Variants in EFEMP2 observed in about 807,000 individuals in gnomAD.
EFEMP2 encodes the protein EGF-like fibulin extracellular matrix protein 2, also known as EGF-containing fibulin-like extracellular matrix protein 2.
A neutral mutation model predicts 55.3 loss-of-function variants in EFEMP2; 21 were observed. The observed-to-expected ratio is 0.38, with a 90% confidence interval of 0.27 to 0.55. The LOEUF is 0.55. Among genes scored for constraint, EFEMP2 ranks in the 20% least tolerant of loss-of-function variants. EFEMP2 has a pLI of 0.77. For synonymous variants in EFEMP2, 275 were observed against 242.3 expected (o/e 1.14, Z -1.25); for missense variants, 513 against 615.1 (o/e 0.83, Z 1.76).
At chr11:65,868,694 A>G (rs1239248573) in intron 7 of EFEMP2, 65 bp from the exon 8 acceptor site, 1 of 1,605,814 alleles carries the variant, frequency 6.2e-7, no homozygotes, top group African/African-American at 1.3e-5. Flanking sequence ...TCCCACAAAC[A>G]TTTCCCAAGA....
chr11:65,868,745 G>T, intron 7 of EFEMP2, 116 bp from the exon 8 acceptor site: 1 of 1,447,364 alleles, frequency 6.9e-7, no homozygotes. Flanking sequence ...GAAGACAGAG[G>T]GGGATGAGAC....
chr11:65,868,951 C>A, intron 7 of EFEMP2: 1 of 387,262 alleles, frequency 2.6e-6, no homozygotes, highest in Non-Finnish European at 5.0e-6. Flanking sequence ...GTGTGTTAGA[C>A]TAGATGAGTC....
Position 65,867,093 on chromosome 11 carries a change from G to A in EFEMP2, c.1171-14C>T, listed in dbSNP as rs1405215614. The A allele has an allele frequency of 1.9e-6, 3 of 1,613,842 alleles. No individual in the cohort carries two copies. In the South Asian group the frequency reaches 3.3e-5, roughly 18 times the overall value. On this transcript the variant is annotated splice_polypyrimidine_tract_variant and intron_variant, in intron 10 of 10. Transcript: ENST00000307998. The stretch of plus-strand genomic sequence containing the variant: ...GTTGTTGATTTGCTGCAGGGCAGTG[G>A]GTGGGGGGACATATATATTGTGTCA...
At chr11:65,868,812 G>A (rs939915517) in intron 7 of EFEMP2, 183 bp from the exon 8 acceptor site, 161 of 729,366 alleles carry the variant, frequency 2.2e-4, no homozygotes, top group Non-Finnish European at 2.8e-5. Flanking sequence ...CCAGGCTGCC[G>A]CAGCTCACAG....
At position 65,870,123 on chromosome 11, in the gene EFEMP2, ACACAGGAGCGGTTGTTAGGCCCCAG is replaced by A; in HGVS notation, c.580_604del (p.Gly195MetfsTer2). ...AGCCTGGCCCAGCCCAGCCTCACCAACACAGGAGCGGTTGTTAGGCCCCAGCTGGAAGCCCGGCTCGCACTGGCAG... is the reference window on the plus strand; with the variant it reads ...AGCCTGGCCCAGCCCAGCCTCACCAACTGGAAGCCCGGCTCGCACTGGCAG... On this transcript the variant is annotated frameshift_variant, in exon 6 of 11. Coordinates refer to ENST00000307998, the MANE Select transcript of EFEMP2 (RefSeq NM_016938.5). LOFTEE classifies it high-confidence loss of function. The A allele has an allele frequency of 6.8e-6, 11 of 1,613,724 alleles. No homozygotes were observed. The highest frequency in any genetic ancestry group is 9.3e-6 in the Non-Finnish European group (11 of 1,179,956).
At position 65,872,365 on chromosome 11, in the gene EFEMP2, C is replaced by T. The variant is rs1477575626; in HGVS notation, c.-7-4G>A. On this transcript the variant is annotated splice_region_variant and splice_polypyrimidine_tract_variant and intron_variant, in intron 1 of 10. Transcript: ENST00000307998. The stretch of plus-strand genomic sequence containing the variant: ...GGCGCAGGGGAGCATCCTGGGGCTG[C>T]GAGATGGTGGACACGGGTCAGGGGC... The T allele has an allele frequency of 1.3e-6, 2 of 1,543,324 alleles. No individual in the cohort carries two copies. Among genetic ancestry groups the T allele is most frequent in the African/African-American group, 1.4e-5 (1 of 72,890 alleles).
At position 65,866,916 on chromosome 11, in the gene EFEMP2, C is replaced by T. The variant is rs1565271968; in HGVS notation, c.*2G>A. On this transcript the variant is annotated 3_prime_UTR_variant, in exon 11 of 11. Transcript: ENST00000307998. ...GCAGGGAGGGTGGCTCCCTCCTGCT[C>T]CTCAGAAGGTGTAGGCCCCTACAAA... 6.2e-7 allele frequency: 1 copy of T among 1,614,134 alleles called. No homozygotes were observed.
rs2134746942 is a variant in EFEMP2, at chr11:65,868,017, C to T, written c.1014G>A (p.Glu338=). 1.9e-6 allele frequency: 3 copies of T among 1,614,026 alleles called. No homozygotes were observed. Among genetic ancestry groups the T allele is most frequent in the East Asian group, 4.5e-5 (2 of 44,876 alleles). ...LCPASNPLCR[E]QPSSIVHRYM... Reference sequence around the variant, plus strand: ...AGCGGTGCACAATGGATGAAGGCTGCTCTCGACATAGAGGGTTGGAGGCCG... The same window carrying T: ...AGCGGTGCACAATGGATGAAGGCTGTTCTCGACATAGAGGGTTGGAGGCCG... The change falls in exon 10 of 11, where the codon GAG becomes GAA. Residue 338 remains glutamate, a synonymous_variant. Coordinates refer to ENST00000307998, the MANE Select transcript of EFEMP2 (RefSeq NM_016938.5).
chr11:65,870,090 G>C (rs1162459521), intron 6 of EFEMP2, 31 bp downstream of exon 6: 1 of 1,613,090 alleles, frequency 6.2e-7, no homozygotes, highest in Non-Finnish European at 8.5e-7. Flanking sequence ...CCCTGCCCAG[G>C]ACCCAGGAGC....
In EFEMP2 at chr11:65,868,043, G is replaced by A; in HGVS notation, c.988C>T (p.Pro330Ser). 1 of 1,613,794 alleles carries A rather than the reference G, an allele frequency of 6.2e-7. No homozygotes were observed. Among genetic ancestry groups the A allele is most frequent in the Non-Finnish European group, 8.5e-7 (1 of 1,179,940 alleles). Residue 330 changes from proline (P) to serine (S), a missense_variant, in exon 10 of 11, where the codon CCG becomes TCG. Coordinates refer to ENST00000307998, the MANE Select transcript of EFEMP2 (RefSeq NM_016938.5). The part of the protein sequence containing the change: ...IQVSENRCLC[P>S]ASNPLCREQP... ...TCTCGACATAGAGGGTTGGAGGCCG[G>A]GCAGAGACAGCGGCTAGAGACCCCG...
chr11:65,869,654 A>C, intron 7 of EFEMP2: 1 of 707,312 alleles, frequency 1.4e-6, no homozygotes, highest in Non-Finnish European at 2.4e-6. Flanking sequence ...AGGCTTCAGT[A>C]AGGACGTAGC....
chr11:65,868,812 G>C (rs939915517), intron 7 of EFEMP2, 183 bp from the exon 8 acceptor site: 5 of 729,374 alleles, frequency 6.9e-6, no homozygotes, highest in Non-Finnish European at 1.1e-5. Flanking sequence ...CCAGGCTGCC[G>C]CAGCTCACAG....
chr11:65,871,658 T>C (rs966705885), intron 3 of EFEMP2: 3 of 595,198 alleles, frequency 5.0e-6, no homozygotes, highest in African/African-American at 1.9e-5. Context: ...TACCCACCCC[T>C]GGGGACGCTA....
At chr11:65,868,748 G>T in intron 7 of EFEMP2, 119 bp from the exon 8 acceptor site, 2 of 1,403,476 alleles carry the variant, frequency 1.4e-6, no homozygotes, top group Non-Finnish European at 9.8e-7. Flanking sequence ...GACAGAGGGG[G>T]ATGAGACAAG....
intron 7 of EFEMP2, chr11:65,868,909 G>A (rs1859914631): frequency 2.2e-6 from 1 of 462,708 alleles, no homozygotes; most frequent in Non-Finnish European, 4.0e-6. Flanking sequence ...AGCTGATCTA[G>A]GGGAATCTCA....
chr11:65,869,960 G>A lies in EFEMP2; in HGVS notation c.624C>T (p.Asp208=), dbSNP rs748025984. The A allele has an allele frequency of 6.2e-7, 1 of 1,613,946 alleles. No individual in the cohort carries two copies. The highest frequency in any genetic ancestry group is 1.1e-5 in the South Asian group (1 of 91,088). Residue 208 remains aspartate, a synonymous_variant, in exon 7 of 11, where the codon GAC becomes GAT. Coordinates refer to ENST00000307998, the MANE Select transcript of EFEMP2 (RefSeq NM_016938.5). ...AGCGCTGCTCGCATGGGGCCCCCAT[G>A]TCACACTCGTTCACATCTGGGGGTG... ...NRSCVDVNEC[D]MGAPCEQRCF...
Position 65,866,784 on chromosome 11 carries a change from G to A in EFEMP2, c.*134C>T. 8.6e-7 allele frequency: 1 copy of A among 1,167,902 alleles called. No homozygotes were observed. The highest frequency in any genetic ancestry group is 2.6e-5 in the East Asian group (1 of 39,146). 72.3% of individuals were successfully genotyped at this position (1,167,902 alleles called of 1,614,324 possible). A position where few individuals can be genotyped will look rare whatever the true frequency, so the allele number is the denominator to read the frequency against. ...CAAGTGCCACCCTGCCCCAGCCTGA[G>A]GCTTCCTGCAGTGTGACCCGCCCAC... On this transcript the variant is annotated 3_prime_UTR_variant, in exon 11 of 11. Transcript: ENST00000307998.
rs2134748381 is a variant in EFEMP2 at position 65,868,640 on chromosome 11, A to G, written c.728-11T>C. On this transcript the variant is annotated splice_polypyrimidine_tract_variant and intron_variant, in intron 7 of 10. Transcript: ENST00000307998. ...TACACTCATCAATATCTGAGGAAGCATGGGGATGGGGACCCCGGGTCAAGG... is the reference window on the plus strand; with the variant it reads ...TACACTCATCAATATCTGAGGAAGCGTGGGGATGGGGACCCCGGGTCAAGG... 1 of 1,613,728 alleles carries G rather than the reference A, an allele frequency of 6.2e-7. No individual in the cohort carries two copies. Among genetic ancestry groups the G allele is most frequent in the South Asian group, 1.1e-5 (1 of 91,084 alleles).
chr11:65,867,739 C>T (rs1370129999), intron 10 of EFEMP2, 122 bp downstream of exon 10: 1 of 1,099,648 alleles, frequency 9.1e-7, no homozygotes, highest in Non-Finnish European at 1.4e-6. Flanking sequence ...AGAAACCCCG[C>T]CTCCGGGGGC....
Sources: gnomAD v4.1 joint callset for allele counts on GRCh38, gnomAD v4.1.1 for gene constraint, MANE v1.5 for transcripts, NCBI Gene and HGNC (gene_info 2026-07-23, HGNC 2026-07-21) for gene names.